The following RNLS variants were observed in gnomAD, a reference collection of about 807,000 sequenced individuals.
RNLS encodes renalase, FAD dependent amine oxidase.
A neutral mutation model predicts 39.8 loss-of-function variants in RNLS; 39 were observed. The observed-to-expected ratio is 0.98, with a 90% CI of 0.76 to 1.28. The LOEUF is 1.28. Among genes scored for constraint, RNLS ranks in the 50% most tolerant of loss-of-function variants. The pLI is 0.00. For missense variants in RNLS, 410 were observed against 413.3 expected (o/e 0.99, Z 0.07); for synonymous variants, 147 against 150.7 (o/e 0.98, Z 0.18).
chr10:88,249,669 G>A, the RNLS span, among the ~76,000 whole-genome samples: 1 of 152,176 alleles, frequency 6.6e-6, no homozygotes, highest in Admixed American at 6.5e-5. Flanking sequence ...TCCACACACA[G>A]CTTGACACGT....
intron 4 of RNLS, among the ~76,000 whole-genome samples, chr10:88,423,568 A>G (rs1399747032): frequency 2.0e-5 from 3 of 152,170 alleles, no homozygotes; most frequent in African/African-American, 7.2e-5. Flanking sequence ...AATTAGCACA[A>G]TTTATACTTG....
chr10:88,349,506 A>G (rs1471111069), intron 5 of RNLS, among the ~76,000 whole-genome samples: 1 of 152,088 alleles, frequency 6.6e-6, no homozygotes, highest in African/African-American at 2.4e-5. Flanking sequence ...TGGGATCTAC[A>G]TATTCCAGGC....
chr10:88,419,632 A>C (rs1054326986), intron 4 of RNLS, among the ~76,000 whole-genome samples: 8 of 152,228 alleles, frequency 5.3e-5, no homozygotes, highest in African/African-American at 1.9e-4. Context: ...TTTGAAAAAA[A>C]ATTTGATTTC....
At chr10:88,318,411 C>T (rs1731748503) in intron 5 of RNLS, among the ~76,000 whole-genome samples, 3 of 152,226 alleles carry the variant, frequency 2.0e-5, no homozygotes, top group South Asian at 4.1e-4. Context: ...TCATCCACCC[C>T]TTGCCACCTT....
At chr10:88,192,227 C>T in the RNLS span, among the ~76,000 whole-genome samples, 25 of 152,114 alleles carry the variant, frequency 1.6e-4, no homozygotes, top group African/African-American at 4.3e-4. Context: ...GACACCCCTA[C>T]GGTGGATTTT....
chr10:88,205,698 AT>A, the RNLS span, among the ~76,000 whole-genome samples: 1 of 152,164 alleles, frequency 6.6e-6, no homozygotes, highest in Non-Finnish European at 1.5e-5. Flanking sequence ...TTTTGGAGGC[AT>A]TTAACCACTT....
intron 2 of RNLS, 35 bp downstream of exon 2, chr10:88,582,167 G>A (rs546754852): frequency 3.4e-5 from 51 of 1,517,868 alleles, no homozygotes; most frequent in Admixed American, 1.2e-4. Context: ...TCACACAACT[G>A]CTAAGATTGA....
chr10:88,408,186 A>G (rs766172333), intron 4 of RNLS, among the ~76,000 whole-genome samples: 1 of 152,130 alleles, frequency 6.6e-6, no homozygotes. Flanking sequence ...TTATGTAGAG[A>G]AGAATTGTTC....
At chr10:88,431,025 T>C (rs1192959408) in intron 4 of RNLS, among the ~76,000 whole-genome samples, 1 of 151,716 alleles carries the variant, frequency 6.6e-6, no homozygotes, top group Non-Finnish European at 1.5e-5. Context: ...AGTACTTCAA[T>C]TTTCTGGAAG....
intron 4 of RNLS, among the ~76,000 whole-genome samples, chr10:88,558,817 TTTAA>T (rs1449300686): frequency 6.6e-6 from 1 of 152,158 alleles, no homozygotes; most frequent in South Asian, 2.1e-4. Context: ...GGTGACAATA[TTTAA>T]TTAATACATT....
At chr10:88,244,288 C>T in the RNLS span, among the ~76,000 whole-genome samples, 2 of 152,196 alleles carry the variant, frequency 1.3e-5, no homozygotes, top group African/African-American at 2.4e-5. Context: ...TGTTCCTCAG[C>T]CAGGAGGGCA....
intron 2 of RNLS, 64 bp from the exon 3 acceptor site, chr10:88,581,773 A>G: frequency 9.3e-7 from 1 of 1,070,332 alleles, no homozygotes; most frequent in Non-Finnish European, 1.3e-6. Flanking sequence ...AAAAGACTAT[A>G]TTTTCTTTCA....
In RNLS at chr10:88,572,663, C is replaced by T. The variant is rs1332393106; in HGVS notation, c.526+240G>A. Among the ~76,000 whole-genome samples the T allele has an allele frequency of 7.9e-5, 12 of 152,166 alleles. No homozygotes were observed. In the East Asian group the frequency reaches 1.3e-3, roughly 17 times the overall value. On this transcript the variant is annotated intron_variant, in intron 4 of 6. Transcript: ENST00000331772. The stretch of plus-strand genomic sequence containing the variant: ...ATTTCATATCCATCAAAAATACTGA[C>T]GTGTTGAAGACATGGGCAATAAGAA...
chr10:88,556,268 T>C (rs1421053988), intron 4 of RNLS, among the ~76,000 whole-genome samples: 1 of 152,172 alleles, frequency 6.6e-6, no homozygotes, highest in East Asian at 1.9e-4. Flanking sequence ...CAAGTGTCTG[T>C]AGCAACCTGA....
intron 4 of RNLS, among the ~76,000 whole-genome samples, chr10:88,425,400 C>T (rs1854686242): frequency 1.3e-5 from 2 of 151,996 alleles, no homozygotes; most frequent in East Asian, 3.9e-4. Context: ...AGCAAAAAGT[C>T]AAAAGGAGCT....
the RNLS span, among the ~76,000 whole-genome samples, chr10:88,210,189 C>A: frequency 6.6e-6 from 1 of 152,138 alleles, no homozygotes; most frequent in Admixed American, 6.6e-5. Context: ...CTTTGCTTGC[C>A]TAACTTATAT....
At chr10:88,318,340 A>C (rs1381564143) in intron 5 of RNLS, among the ~76,000 whole-genome samples, 4 of 152,194 alleles carry the variant, frequency 2.6e-5, no homozygotes, top group Non-Finnish European at 4.4e-5. Flanking sequence ...GAAATGAAGG[A>C]AGTGGCACCA....
the RNLS span, among the ~76,000 whole-genome samples, chr10:88,206,302 T>C: frequency 6.6e-6 from 1 of 152,186 alleles, no homozygotes; most frequent in Non-Finnish European, 1.5e-5. Context: ...AGACAACTAA[T>C]TTCCTGCATC....
chr10:88,462,601 G>C (rs1327553718), intron 4 of RNLS, among the ~76,000 whole-genome samples: 1 of 151,930 alleles, frequency 6.6e-6, no homozygotes, highest in African/African-American at 2.4e-5. Flanking sequence ...CAGTCTAATG[G>C]AGGAGTCAGG....
Sources: allele counts gnomAD v4.1 joint callset (sites outside exome capture counted in the v4.1 genomes callset), GRCh38; gene constraint gnomAD v4.1.1; transcripts MANE v1.5; gene names NCBI Gene and HGNC (gene_info 2026-07-23, HGNC 2026-07-21).